Variants in IRAK2 observed in about 807,000 individuals in gnomAD.
The protein encoded by IRAK2 is interleukin-1 receptor-associated kinase-like 2.
In IRAK2, 57 loss-of-function variants were observed where a neutral mutation model predicts 72.0. The observed-to-expected ratio is 0.79, with a 90% CI of 0.64 to 0.99. The LOEUF is 0.99. Among genes scored for constraint, IRAK2 ranks in the 50% least tolerant of loss-of-function variants. The probability of loss-of-function intolerance (pLI) is 0.00; values close to 1 mark genes in which losing one functional copy is unlikely to be tolerated. For synonymous variants in IRAK2, 293 were observed against 312.7 expected (o/e 0.94, Z 0.67); for missense variants, 790 against 794.4 (o/e 0.99, Z 0.07).
At chr3:10,237,149 G>C (rs963991198) in intron 11 of IRAK2, among the ~76,000 whole-genome samples, 1 of 152,226 alleles carries the variant, frequency 6.6e-6, no homozygotes. Flanking sequence ...GCCACGCCTA[G>C]CTCCAAGGAA....
chr3:10,238,665 C>G (rs747951597), intron 11 of IRAK2, 83 bp from the exon 12 acceptor site: 8 of 1,334,770 alleles, frequency 6.0e-6, no homozygotes, highest in South Asian at 1.3e-5. Flanking sequence ...CTCCCCGCCC[C>G]CTCTCTGCTG....
At chr3:10,171,333 T>C (rs1249666881) in intron 1 of IRAK2, among the ~76,000 whole-genome samples, 7 of 152,158 alleles carry the variant, frequency 4.6e-5, no homozygotes, top group Non-Finnish European at 1.0e-4. Context: ...GAGCCTTTAG[T>C]TTCCTCATCC....
intron 6 of IRAK2, among the ~76,000 whole-genome samples, chr3:10,215,499 C>A (rs1001644588): frequency 6.6e-6 from 1 of 151,076 alleles, no homozygotes; most frequent in East Asian, 1.9e-4. Context: ...TTTCACAGCA[C>A]CTATAAATAA....
intron 11 of IRAK2, among the ~76,000 whole-genome samples, chr3:10,236,567 C>T (rs930871277): frequency 2.0e-5 from 3 of 151,778 alleles, no homozygotes; most frequent in Non-Finnish European, 4.4e-5. Context: ...AAGCTGGTCT[C>T]GAACTCCTGA....
chr3:10,170,181 T>C (rs1696773358), intron 1 of IRAK2, among the ~76,000 whole-genome samples: 1 of 152,188 alleles, frequency 6.6e-6, no homozygotes, highest in African/African-American at 2.4e-5. Context: ...TCCTCCATCA[T>C]CAAGGCCATG....
intron 2 of IRAK2, among the ~76,000 whole-genome samples, chr3:10,186,464 G>A (rs1230050305): frequency 6.6e-6 from 1 of 151,618 alleles, no homozygotes; most frequent in Non-Finnish European, 1.5e-5. Flanking sequence ...CCTGGCTTCT[G>A]CGCTTAGCCT....
At chr3:10,197,085 A>G (rs750129313) in intron 2 of IRAK2, among the ~76,000 whole-genome samples, 1 of 152,084 alleles carries the variant, frequency 6.6e-6, no homozygotes, top group Non-Finnish European at 1.5e-5. Context: ...AAAACCCCAC[A>G]ATATAAAACA....
intron 11 of IRAK2, among the ~76,000 whole-genome samples, chr3:10,236,142 G>A (rs1304159375): frequency 6.6e-6 from 1 of 152,026 alleles, no homozygotes; most frequent in Non-Finnish European, 1.5e-5. Flanking sequence ...CACACGAAGA[G>A]CAATCCAGGC....
chr3:10,200,739 A>G (rs961644749), intron 3 of IRAK2, among the ~76,000 whole-genome samples: 1 of 152,134 alleles, frequency 6.6e-6, no homozygotes, highest in Non-Finnish European at 1.5e-5. Context: ...TCTACAAAAA[A>G]TTTTAAAAAA....
At position 10,234,545 on chromosome 3, in the gene IRAK2, G is replaced by A; in HGVS notation, c.1359G>A (p.Glu453=). The change falls in exon 11 of 13, where the codon GAG becomes GAA. Residue 453 remains glutamate, a synonymous_variant. Transcript: ENST00000256458. ...KTGVENVMAK[E]ICQKYLEKGA... ...GCGTGGAGAACGTGATGGCAAAGGA[G>A]ATCTGCCAGAAGTACCTGGAGAAGG... 1 of 1,614,130 alleles carries A rather than the reference G, an allele frequency of 6.2e-7. No individual in the cohort carries two copies. The highest frequency in any genetic ancestry group is 8.5e-7 in the Non-Finnish European group (1 of 1,180,014).
At chr3:10,178,078 TC>T (rs1696906341) in intron 2 of IRAK2, 58 bp downstream of exon 2, 1 of 1,366,360 alleles carries the variant, frequency 7.3e-7, no homozygotes, top group Non-Finnish European at 1.0e-6. Context: ...GCAGTTTCCA[TC>T]CGTGTGAGTT....
At chr3:10,234,700 G>GT (rs1697924387) in intron 11 of IRAK2, 41 bp downstream of exon 11, 9 of 1,565,808 alleles carry the variant, frequency 5.7e-6, no homozygotes, top group Non-Finnish European at 7.9e-6. Flanking sequence ...TGGGCCACGC[G>GT]TGGGTCCACC....
intron 1 of IRAK2, among the ~76,000 whole-genome samples, chr3:10,175,319 G>T (rs1195743512): frequency 6.6e-6 from 1 of 151,178 alleles, no homozygotes; most frequent in Non-Finnish European, 1.5e-5. Flanking sequence ...TAGAGACGGG[G>T]TTTCACCATG....
At chr3:10,223,602 A>G (rs6785595) in intron 9 of IRAK2, among the ~76,000 whole-genome samples, 10,034 of 152,290 alleles carry the variant, frequency 0.066, 867 homozygotes, top group African/African-American at 0.2. Context: ...AAGCTGGTTG[A>G]ATGGTAGTGA....
Position 10,234,665 on chromosome 3 carries a change from C to A in IRAK2, c.1473+6C>A. 3 of 1,609,954 alleles carry A rather than the reference C, an allele frequency of 1.9e-6. No homozygotes were observed. The highest frequency in any genetic ancestry group is 2.5e-6 in the Non-Finnish European group (3 of 1,177,946). On this transcript the variant is annotated splice_donor_region_variant and intron_variant, in intron 11 of 12. Transcript: ENST00000256458. The stretch of plus-strand genomic sequence containing the variant: ...GTAACACCAGCCTGCAGGAGGTGAG[C>A]CTCGCCCGCAGCGGCCTCGCTGCCT...
At chr3:10,165,885 C>T (rs888903352) in intron 1 of IRAK2, among the ~76,000 whole-genome samples, 9 of 152,242 alleles carry the variant, frequency 5.9e-5, no homozygotes, top group Admixed American at 1.3e-4. Flanking sequence ...CGCCCGCCAC[C>T]ACGCCCGGCT....
Position 10,167,400 on chromosome 3 carries a change from T to C in IRAK2, c.94+2352T>C, listed in dbSNP as rs556590884. 3.2e-4 allele frequency among the ~76,000 whole-genome samples: 48 copies of C among 152,236 alleles called. No individual in the cohort carries two copies. The South Asian group carries it at 6.0e-3, about 19-fold the overall frequency. On this transcript the variant is annotated intron_variant, in intron 1 of 12. Transcript: ENST00000256458. ...CATGAGGTTCATCCATGTTGTAGCA[T>C]GCGTCAATACTTAGTTTCTTTTTTT...
chr3:10,169,141 G>A (rs1380750884), intron 1 of IRAK2, among the ~76,000 whole-genome samples: 9 of 152,120 alleles, frequency 5.9e-5, no homozygotes, highest in Non-Finnish European at 5.9e-5. Context: ...AGGGGTGTAC[G>A]AATAGGGAGT....
At chr3:10,221,415 G>A (rs533520584) in intron 8 of IRAK2, among the ~76,000 whole-genome samples, 5 of 150,766 alleles carry the variant, frequency 3.3e-5, no homozygotes, top group Admixed American at 6.6e-5. Context: ...CACCATGCCC[G>A]GCTAACTTTT....
Sources: allele counts gnomAD v4.1 joint callset (sites outside exome capture counted in the v4.1 genomes callset), GRCh38; gene constraint gnomAD v4.1.1; transcripts MANE v1.5; gene names NCBI Gene and HGNC (gene_info 2026-07-23, HGNC 2026-07-21).